Variants in PKD1L1 observed in about 807,000 individuals in gnomAD.
The protein encoded by PKD1L1 is polycystin 1 like 1, transient receptor potential channel interacting, also known as polycystin-1-like protein 1.
Under a neutral mutation model 323.4 loss-of-function variants are expected in PKD1L1, and 236 were observed. The observed-to-expected ratio is 0.73, with a 90% CI of 0.66 to 0.81. PKD1L1 has a LOEUF of 0.81. Among genes scored for constraint, PKD1L1 ranks in the 40% least tolerant of loss-of-function variants. PKD1L1 has a pLI of 0.00. For synonymous variants in PKD1L1, 1,344 were observed against 1,335.0 expected (o/e 1.01, Z -0.15); for missense variants, 3,320 against 3,508.0 (o/e 0.95, Z 1.35).
intron 19 of PKD1L1, among the ~76,000 whole-genome samples, chr7:47,883,829 A>C (rs1786618688): frequency 6.6e-6 from 1 of 152,226 alleles, no homozygotes; most frequent in African/African-American, 2.4e-5. Flanking sequence ...TCATTCATCA[A>C]ATAAGTCATT....
chr7:47,878,729 G>C (rs908246834), intron 21 of PKD1L1, among the ~76,000 whole-genome samples: 2 of 152,186 alleles, frequency 1.3e-5, no homozygotes, highest in African/African-American at 2.4e-5. Flanking sequence ...GGGCATTCCA[G>C]CCAAAATAAC....
intron 25 of PKD1L1, among the ~76,000 whole-genome samples, chr7:47,865,613 T>G (rs548897107): frequency 2.5e-4 from 38 of 152,016 alleles, no homozygotes; most frequent in Non-Finnish European, 4.3e-4. Flanking sequence ...TGAGACGGAG[T>G]CTCGCTTTGT....
chr7:47,782,070 T>C (rs62448549), intron 56 of PKD1L1, among the ~76,000 whole-genome samples: 13,970 of 152,206 alleles, frequency 0.092, 838 homozygotes, highest in East Asian at 0.2. Flanking sequence ...ATGGTGTTGA[T>C]TGCTGTGGCT....
At chr7:47,932,450 G>A (rs1310259164) in intron 4 of PKD1L1, among the ~76,000 whole-genome samples, 2 of 152,230 alleles carry the variant, frequency 1.3e-5, no homozygotes, top group Admixed American at 6.5e-5. Context: ...ACCGCGGAAG[G>A]CCTGGTGGTA....
In PKD1L1 at chr7:47,897,986, A is replaced by T; in HGVS notation, c.2271+2T>A. Reference sequence around the variant, plus strand: ...AGTAGAGCAGTAAGTCAGCCAGCTGACCTTGGCAAGGGCAGTGTAGTTCCC... The same window carrying T: ...AGTAGAGCAGTAAGTCAGCCAGCTGTCCTTGGCAAGGGCAGTGTAGTTCCC... On this transcript the variant is annotated splice_donor_variant, in intron 14 of 56. Transcript: ENST00000289672. LOFTEE classifies it high-confidence loss of function. 1.2e-6 allele frequency: 2 copies of T among 1,601,118 alleles called. No homozygotes were observed. Among genetic ancestry groups the T allele is most frequent in the Non-Finnish European group, 1.7e-6 (2 of 1,172,960 alleles).
intron 56 of PKD1L1, among the ~76,000 whole-genome samples, chr7:47,791,031 AC>A (rs1347051286): frequency 3.3e-5 from 5 of 151,882 alleles, no homozygotes; most frequent in African/African-American, 1.2e-4. Context: ...CACTACACCC[AC>A]CCATGTTCTA....
rs1048087673 is a variant in PKD1L1, at chr7:47,946,625, C to T, written c.44+1772G>A. On this transcript the variant is annotated intron_variant, in intron 1 of 56. Transcript: ENST00000289672. This position sits in a 1 kb window ranked among gnomAD's most constrained non-coding sequence, Gnocchi z 4.1. Reference sequence around the variant, plus strand: ...CATACCACACATACACCACACACTACACACAGACCACACACCACACCACCC... The same window carrying T: ...CATACCACACATACACCACACACTATACACAGACCACACACCACACCACCC... Among the ~76,000 whole-genome samples, 2 of 151,724 alleles carry T rather than the reference C, an allele frequency of 1.3e-5. No individual in the cohort carries two copies. The highest frequency in any genetic ancestry group is 3.9e-4 in the East Asian group (2 of 5,174).
intron 6 of PKD1L1, among the ~76,000 whole-genome samples, chr7:47,929,971 C>A (rs540070480): frequency 6.6e-6 from 1 of 152,340 alleles, no homozygotes; most frequent in Non-Finnish European, 1.5e-5. Flanking sequence ...ACCCTTTCTA[C>A]ATTTCTCCCT....
rs560820318 is a variant in PKD1L1 at position 47,864,131 on chromosome 7, C to T, written c.4149+1085G>A. 9.4e-4 allele frequency among the ~76,000 whole-genome samples: 143 copies of T among 152,222 alleles called. 1 individual carries two copies. Among genetic ancestry groups the T allele is most frequent in the African/African-American group, 3.3e-3 (136 of 41,558 alleles). On this transcript the variant is annotated intron_variant, in intron 26 of 56. Coordinates refer to ENST00000289672, the MANE Select transcript of PKD1L1 (RefSeq NM_138295.5). Reference sequence around the variant, plus strand: ...AAGGTGGGCAGGAGCAGGACTGTGCCGCCTGCACCCATGCAGGCTAGGCGT... The same window carrying T: ...AAGGTGGGCAGGAGCAGGACTGTGCTGCCTGCACCCATGCAGGCTAGGCGT...
chr7:47,921,238 C>CAAAAAA, intron 7 of PKD1L1, among the ~76,000 whole-genome samples: 1 of 79,594 alleles, frequency 1.3e-5, no homozygotes, highest in Non-Finnish European at 2.3e-5. Flanking sequence ...AGACAATTCT[C>CAAAAAA]AAAAAAAAAA....
chr7:47,880,285 T>TATA (rs1491195893), intron 21 of PKD1L1, among the ~76,000 whole-genome samples: 175 of 64,448 alleles, frequency 2.7e-3, no homozygotes, highest in African/African-American at 0.012. Flanking sequence ...TATATATATA[T>TATA]TTTTTTTTTT....
At chr7:47,900,934 A>G (rs1414080621) in intron 13 of PKD1L1, among the ~76,000 whole-genome samples, 1 of 152,174 alleles carries the variant, frequency 6.6e-6, no homozygotes, top group Non-Finnish European at 1.5e-5. Context: ...CACATATAAA[A>G]AGCCTTAGAA....
At chr7:47,809,800 C>T (rs1033519470) in intron 50 of PKD1L1, 5 of 399,712 alleles carry the variant, frequency 1.3e-5, no homozygotes, top group African/African-American at 8.2e-5. Flanking sequence ...AACTCCATGC[C>T]AGGGGTTAGA....
chr7:47,950,474 T>G (rs1788188455), upstream of PKD1L1, among the ~76,000 whole-genome samples: 1 of 152,138 alleles, frequency 6.6e-6, no homozygotes, highest in African/African-American at 2.4e-5. Context: ...ATAGCCACTC[T>G]CAGCTACTGG....
At chr7:47,792,872 T>C in intron 55 of PKD1L1, 75 bp from the exon 56 acceptor site, 2 of 1,360,856 alleles carry the variant, frequency 1.5e-6, no homozygotes, top group South Asian at 1.3e-5. Flanking sequence ...ATGTGAAGCA[T>C]TTAGGGGTAT....
At position 47,830,028 on chromosome 7, in the gene PKD1L1, G is replaced by A. The variant is rs1335816481; in HGVS notation, c.6558+12C>T. 6.2e-7 allele frequency: 1 copy of A among 1,612,510 alleles called. No homozygotes were observed. Among genetic ancestry groups the A allele is most frequent in the Non-Finnish European group, 8.5e-7 (1 of 1,178,632 alleles). On this transcript the variant is annotated intron_variant, in intron 43 of 56. Coordinates refer to ENST00000289672, the MANE Select transcript of PKD1L1 (RefSeq NM_138295.5). ...GATGGAAGGCACTTCTACCATGGAG[G>A]GTGTTTCTTACCATAAGTGGCTGGG...
In PKD1L1 at chr7:47,840,633, A is replaced by G. The variant is rs1182971302; in HGVS notation, c.5446-66T>C. 1 of 1,272,792 alleles carries G rather than the reference A, an allele frequency of 7.9e-7. No homozygotes were observed. The highest frequency in any genetic ancestry group is 1.5e-5 in the African/African-American group (1 of 68,284). The allele number at this position is 1,272,792 out of a possible 1,614,324, so 78.8% of individuals were successfully genotyped here. A position where few individuals can be genotyped will look rare whatever the true frequency, so the allele number is the denominator to read the frequency against. On this transcript the variant is annotated intron_variant, in intron 34 of 56. Coordinates refer to ENST00000289672, the MANE Select transcript of PKD1L1 (RefSeq NM_138295.5). This position sits in a 1 kb window ranked among gnomAD's most constrained non-coding sequence, Gnocchi z 4.1. ...CAGCAGACACCATGCAATGCTGGGCAGGGCTTCCTCGCACTTTCTCCCAGC... is the reference window on the plus strand; with the variant it reads ...CAGCAGACACCATGCAATGCTGGGCGGGGCTTCCTCGCACTTTCTCCCAGC...
chr7:47,843,285 T>C (rs1785600354), intron 33 of PKD1L1, 116 bp from the exon 34 acceptor site: 2 of 765,634 alleles, frequency 2.6e-6, no homozygotes, highest in Non-Finnish European at 2.1e-6. Flanking sequence ...GCTTCACTGA[T>C]ACATTTTTAC....
At chr7:47,909,187 C>T (rs937981360) in intron 8 of PKD1L1, among the ~76,000 whole-genome samples, 3 of 152,238 alleles carry the variant, frequency 2.0e-5, no homozygotes, top group Non-Finnish European at 2.9e-5. Context: ...CAACTCCCTA[C>T]ACAATATTCT....
Sources: gnomAD v4.1 joint callset for allele counts (sites outside exome capture counted in the v4.1 genomes callset) on GRCh38, gnomAD v4.1.1 for gene constraint, Gnocchi (gnomAD v3.1) non-coding constraint, MANE v1.5 for transcripts, NCBI Gene and HGNC (gene_info 2026-07-23, HGNC 2026-07-21) for gene names.